The following FTCDNL1 variants were observed in gnomAD, a reference collection of about 807,000 sequenced individuals.
FTCDNL1 encodes the protein formiminotransferase N-terminal subdomain-containing protein.
Under a neutral mutation model 5.9 loss-of-function variants are expected in FTCDNL1, and 11 were observed. The ratio of observed to expected loss-of-function variants is 1.87; its 90% CI spans 1.18 to 3.10. The LOEUF (loss-of-function observed/expected upper bound fraction) is 3.10. Among genes scored for constraint, FTCDNL1 ranks in the 30% most tolerant of loss-of-function variants. The probability of loss-of-function intolerance (pLI) is 0.00; values close to 1 mark genes in which losing one functional copy is unlikely to be tolerated. For synonymous variants in FTCDNL1, 58 were observed against 24.8 expected (o/e 2.34, Z -3.99); for missense variants, 115 against 65.5 (o/e 1.76, Z -2.61).
chr2:199,748,070 T>C, the FTCDNL1 span, among the ~76,000 whole-genome samples: 6 of 152,150 alleles, frequency 3.9e-5, no homozygotes, highest in Admixed American at 3.3e-4. Flanking sequence ...AAGTCAACTT[T>C]TGAAATGTAA....
chr2:199,776,578 T>G (rs1273188605), intron 3 of FTCDNL1, among the ~76,000 whole-genome samples: 3 of 152,194 alleles, frequency 2.0e-5, no homozygotes, highest in Non-Finnish European at 4.4e-5. Flanking sequence ...CCTCTGCATC[T>G]CACATTACCA....
chr2:199,671,690 C>G, the FTCDNL1 span, among the ~76,000 whole-genome samples: 1 of 152,132 alleles, frequency 6.6e-6, no homozygotes, highest in Non-Finnish European at 1.5e-5. Flanking sequence ...GGTCCATGTT[C>G]TCTTCCAGAT....
At chr2:199,776,372 A>G (rs1025651401) in intron 3 of FTCDNL1, among the ~76,000 whole-genome samples, 2 of 152,144 alleles carry the variant, frequency 1.3e-5, no homozygotes, top group Admixed American at 1.3e-4. Context: ...ACCTCACAAC[A>G]TCCATCTCAG....
intron 3 of FTCDNL1, among the ~76,000 whole-genome samples, chr2:199,803,357 G>T (rs187019000): frequency 7.9e-5 from 12 of 152,054 alleles, no homozygotes; most frequent in Non-Finnish European, 1.5e-4. Flanking sequence ...GTACAATTTC[G>T]AACTGGAACA....
At chr2:199,804,746 T>C (rs1700636092), downstream of FTCDNL1, among the ~76,000 whole-genome samples, 1 of 152,186 alleles carries the variant, frequency 6.6e-6, no homozygotes, top group African/African-American at 2.4e-5. Context: ...CCTCTCCATT[T>C]CCCCCAGTCC....
intron 3 of FTCDNL1, among the ~76,000 whole-genome samples, chr2:199,770,313 G>A (rs1233967318): frequency 6.6e-6 from 1 of 152,152 alleles, no homozygotes; most frequent in African/African-American, 2.4e-5. Flanking sequence ...GAAGAAACTA[G>A]GGAGATAATC....
chr2:199,795,324 G>A (rs1283607179), intron 3 of FTCDNL1, among the ~76,000 whole-genome samples: 1 of 152,126 alleles, frequency 6.6e-6, no homozygotes, highest in East Asian at 1.9e-4. Flanking sequence ...GTTATTGCAG[G>A]TTTCTTCCAG....
At chr2:199,816,708 G>C (rs1701369708) in intron 4 of FTCDNL1, among the ~76,000 whole-genome samples, 1 of 152,028 alleles carries the variant, frequency 6.6e-6, no homozygotes, top group Non-Finnish European at 1.5e-5. Context: ...TCAAGTCTTT[G>C]CTCTAATATT....
chr2:199,803,191 CA>C (rs71403491), intron 3 of FTCDNL1, among the ~76,000 whole-genome samples: 5,547 of 70,538 alleles, frequency 0.079, 117 homozygotes, highest in Admixed American at 0.17. Context: ...AATACCGTCT[CA>C]AAAAAAAAAA....
chr2:199,759,056 C>A (rs753096947), downstream of FTCDNL1, among the ~76,000 whole-genome samples: 1 of 152,012 alleles, frequency 6.6e-6, no homozygotes, highest in Non-Finnish European at 1.5e-5. Context: ...CAAAGCCATA[C>A]ATTTCTAAAT....
intron 3 of FTCDNL1, among the ~76,000 whole-genome samples, chr2:199,784,941 G>A (rs577846537): frequency 2.0e-5 from 3 of 152,234 alleles, no homozygotes; most frequent in African/African-American, 7.2e-5. Context: ...CAGAACACAT[G>A]CCCAGTTAAC....
chr2:199,690,423 C>T, the FTCDNL1 span, among the ~76,000 whole-genome samples: 1 of 152,218 alleles, frequency 6.6e-6, no homozygotes, highest in Non-Finnish European at 1.5e-5. Context: ...ATTCACTCCC[C>T]TCTATTGTAC....
chr2:199,766,125 A>G (rs1437537100), intron 3 of FTCDNL1, among the ~76,000 whole-genome samples: 2 of 152,208 alleles, frequency 1.3e-5, no homozygotes, highest in Admixed American at 6.5e-5. Flanking sequence ...AAACCTCCTT[A>G]AAATGTCAAG....
the FTCDNL1 span, among the ~76,000 whole-genome samples, chr2:199,684,880 CAAG>C: frequency 3.9e-5 from 6 of 152,260 alleles, no homozygotes; most frequent in East Asian, 1.2e-3. Flanking sequence ...AAAAGTGTGG[CAAG>C]AAGACAGGTG....
intron 3 of FTCDNL1, among the ~76,000 whole-genome samples, chr2:199,786,856 A>C (rs984634747): frequency 6.6e-6 from 1 of 152,198 alleles, no homozygotes; most frequent in African/African-American, 2.4e-5. Flanking sequence ...TCTGGGATTC[A>C]AAAGTCTGAA....
chr2:199,728,226 C>T, the FTCDNL1 span, among the ~76,000 whole-genome samples: 9 of 151,932 alleles, frequency 5.9e-5, no homozygotes, highest in African/African-American at 1.9e-4. Context: ...TGTGCATCAA[C>T]TACAAATCAA....
At chr2:199,695,694 G>A in the FTCDNL1 span, among the ~76,000 whole-genome samples, 1 of 152,114 alleles carries the variant, frequency 6.6e-6, no homozygotes, top group Non-Finnish European at 1.5e-5. Flanking sequence ...CTAGCTCCAG[G>A]AGACCCCACG....
Position 199,812,613 on chromosome 2 carries a change from C to T in FTCDNL1, c.*92G>A, listed in dbSNP as rs990242988. ...TCAGTTTGCAGTTTCGCTCCACTCCCGCCTCCCGCAGATTGGCACTCAGCT... is the reference window on the plus strand; with the variant it reads ...TCAGTTTGCAGTTTCGCTCCACTCCTGCCTCCCGCAGATTGGCACTCAGCT... On this transcript the variant is annotated 3_prime_UTR_variant, in exon 5 of 5. Coordinates refer to ENST00000420128, the MANE Select transcript of FTCDNL1 (RefSeq NM_001363886.2). 1.8e-5 allele frequency: 10 copies of T among 554,704 alleles called. No individual in the cohort carries two copies. Among genetic ancestry groups the T allele is most frequent in the African/African-American group, 5.8e-5 (3 of 51,560 alleles). 34.4% of individuals were successfully genotyped at this position (554,704 alleles called of 1,614,324 possible).
chr2:199,830,887 G>A (rs1173591722), intron 3 of FTCDNL1, among the ~76,000 whole-genome samples: 1 of 152,214 alleles, frequency 6.6e-6, no homozygotes, highest in East Asian at 1.9e-4. Flanking sequence ...TCTTTATGAT[G>A]AAAGAGCAGA....
Sources: allele counts gnomAD v4.1 joint callset (sites outside exome capture counted in the v4.1 genomes callset), GRCh38; gene constraint gnomAD v4.1.1; transcripts MANE v1.5; gene names NCBI Gene and HGNC (gene_info 2026-07-23, HGNC 2026-07-21).